EPS15: variants seen among roughly 807,000 people sequenced by gnomAD.
EPS15 encodes the protein epidermal growth factor receptor pathway substrate 15, also known as epidermal growth factor receptor substrate 15.
EPS15 carries 72 observed loss-of-function variants against 113.8 expected under a neutral mutation model. The observed-to-expected ratio is 0.63, with a 90% CI of 0.52 to 0.77. EPS15 has a LOEUF of 0.77. Among genes scored for constraint, EPS15 ranks in the 30% least tolerant of loss-of-function variants. The probability of loss-of-function intolerance (pLI) is 0.00; values close to 1 mark genes in which losing one functional copy is unlikely to be tolerated. For missense variants in EPS15, 1,048 were observed against 1,045.8 expected (o/e 1.00, Z -0.03); for synonymous variants, 344 against 363.4 (o/e 0.95, Z 0.61).
rs925974504 is a variant in EPS15 at position 51,355,041 on chromosome 1, C to T, written c.*1659G>A. On this transcript the variant is annotated 3_prime_UTR_variant, in exon 25 of 25. Coordinates refer to ENST00000371733, the MANE Select transcript of EPS15 (RefSeq NM_001981.3). ...CAGAAAATCCTTAGGTCACTGGATTCGTTTATCAAAATTAAGCCTTGTGAT... is the reference window on the plus strand; with the variant it reads ...CAGAAAATCCTTAGGTCACTGGATTTGTTTATCAAAATTAAGCCTTGTGAT... 3 of 222,396 alleles carry T rather than the reference C, an allele frequency of 1.3e-5. No homozygotes were observed. The highest frequency in any genetic ancestry group is 2.2e-5 in the African/African-American group (1 of 44,712). 13.8% of individuals were successfully genotyped at this position (222,396 alleles called of 1,614,324 possible). A position where few individuals can be genotyped will look rare whatever the true frequency, so the allele number is the denominator to read the frequency against.
intron 21 of EPS15, among the ~76,000 whole-genome samples, chr1:51,393,633 A>G (rs1055667667): frequency 6.6e-6 from 1 of 152,234 alleles, no homozygotes; most frequent in Non-Finnish European, 1.5e-5. Context: ...TTTCAGCATA[A>G]TATTAGAGTA....
chr1:51,422,880 T>G (rs1426454823), intron 12 of EPS15, among the ~76,000 whole-genome samples: 1 of 152,228 alleles, frequency 6.6e-6, no homozygotes, highest in Non-Finnish European at 1.5e-5. Flanking sequence ...TCCTCCAGAT[T>G]AGTATAGCCA....
Position 51,363,920 on chromosome 1 carries a change from G to C in EPS15, c.2305C>G (p.Pro769Ala). ...GTTCCGATCTTTGGTGGCAGTGCTG[G>C]GGGTTCATCTTCACTTTTGACCGAT... ...ETSVKSEDEP[P>A]ALPPKIGTPT... is the part of the protein sequence containing the mutation. The change falls in exon 23 of 25, where the codon CCA (proline) becomes GCA (alanine). Residue 769 changes from proline to alanine, a missense_variant. Transcript: ENST00000371733. The C allele has an allele frequency of 6.2e-7, 1 of 1,613,898 alleles. No individual in the cohort carries two copies. The highest frequency in any genetic ancestry group is 1.1e-5 in the South Asian group (1 of 91,034).
At chr1:51,423,342 A>T in intron 12 of EPS15, 1 of 1,177,996 alleles carries the variant, frequency 8.5e-7, no homozygotes, top group South Asian at 1.6e-5. Context: ...CCCCACCTCC[A>T]ACCCTTATAT....
chr1:51,372,207 T>C (rs1646673414), intron 21 of EPS15: 2 of 439,854 alleles, frequency 4.5e-6, no homozygotes, highest in Non-Finnish European at 9.2e-6. Flanking sequence ...GAGTTGCTGC[T>C]ACTGCTGGAG....
In EPS15 at chr1:51,399,175, T is replaced by A. The variant is rs768107015; in HGVS notation, c.1919-10A>T. 6.2e-6 allele frequency: 10 copies of A among 1,611,560 alleles called. No individual in the cohort carries two copies. Among genetic ancestry groups the A allele is most frequent in the Admixed American group, 3.4e-5 (2 of 59,180 alleles). On this transcript the variant is annotated splice_polypyrimidine_tract_variant and intron_variant, in intron 19 of 24. Transcript: ENST00000371733. ...TCACCACCAAATGGATCTAAAAAAATAAGGCACGAATATAAGAGACAAAAA... is the reference window on the plus strand; with the variant it reads ...TCACCACCAAATGGATCTAAAAAAAAAAGGCACGAATATAAGAGACAAAAA...
intron 2 of EPS15, among the ~76,000 whole-genome samples, chr1:51,473,579 GAAACAAAC>G (rs1022191977): frequency 1.3e-5 from 2 of 151,224 alleles, no homozygotes; most frequent in Non-Finnish European, 2.9e-5. Context: ...CACAAGAACA[GAAACAAAC>G]AAACAAACAA....
intron 12 of EPS15, among the ~76,000 whole-genome samples, chr1:51,426,852 TACACACACAC>T (rs757848514): frequency 1.4e-5 from 2 of 144,830 alleles, no homozygotes; most frequent in African/African-American, 5.2e-5. Flanking sequence ...TATATATATA[TACACACACAC>T]ATATATATAT....
intron 20 of EPS15, among the ~76,000 whole-genome samples, chr1:51,396,056 T>A (rs1161753683): frequency 6.6e-6 from 1 of 152,256 alleles, no homozygotes; most frequent in South Asian, 2.1e-4. Context: ...GCAGAAAGAA[T>A]TAATACTAAT....
chr1:51,501,764 C>A (rs528017431), intron 1 of EPS15, among the ~76,000 whole-genome samples: 3 of 152,192 alleles, frequency 2.0e-5, no homozygotes, highest in South Asian at 4.2e-4. Context: ...CAGGTGAGAG[C>A]GGCTGCACCC....
chr1:51,488,490 A>AAAAAAC (rs1553135712), intron 1 of EPS15, among the ~76,000 whole-genome samples: 5 of 150,258 alleles, frequency 3.3e-5, no homozygotes, highest in African/African-American at 4.9e-5. Flanking sequence ...AAAAAAAAAA[A>AAAAAAC]AAAAAACTCA....
chr1:51,356,559 ATCCT>A lies in EPS15; in HGVS notation c.*137_*140del. ...AATCTGTAATGAAGAAAAAAAAAAA[ATCCT>A]AAAATTTTGTCACATTTACAGGAAT... On this transcript the variant is annotated 3_prime_UTR_variant, in exon 25 of 25. Coordinates refer to ENST00000371733, the MANE Select transcript of EPS15 (RefSeq NM_001981.3). 1.5e-6 allele frequency: 1 copy of A among 674,696 alleles called. No individual in the cohort carries two copies. The highest frequency in any genetic ancestry group is 2.8e-5 in the South Asian group (1 of 36,196). The allele number at this position is 674,696 out of a possible 1,614,324, so 41.8% of individuals were successfully genotyped here.
At chr1:51,485,189 A>T (rs1210974199) in intron 1 of EPS15, among the ~76,000 whole-genome samples, 1 of 152,186 alleles carries the variant, frequency 6.6e-6, no homozygotes, top group Non-Finnish European at 1.5e-5. Flanking sequence ...AACATTTATA[A>T]ATGTTTTCAT....
intron 12 of EPS15, chr1:51,423,072 A>T: frequency 4.4e-6 from 2 of 454,890 alleles, no homozygotes; most frequent in Non-Finnish European, 3.4e-6. Flanking sequence ...GTGAGATTTT[A>T]AATGTAGACA....
chr1:51,512,809 T>TGCTACAG (rs1347185582), intron 1 of EPS15, among the ~76,000 whole-genome samples: 1 of 151,636 alleles, frequency 6.6e-6, no homozygotes, highest in Non-Finnish European at 1.5e-5. Context: ...ACATGTGTGC[T>TGCTACAG]GCTACAGTGT....
intron 16 of EPS15, among the ~76,000 whole-genome samples, chr1:51,403,947 T>C (rs917318616): frequency 5.9e-5 from 9 of 152,192 alleles, no homozygotes; most frequent in Admixed American, 3.3e-4. Flanking sequence ...GTAGCCAAAC[T>C]AATAGCTCTA....
intron 13 of EPS15, among the ~76,000 whole-genome samples, chr1:51,414,548 T>C (rs1387306494): frequency 6.6e-6 from 1 of 152,210 alleles, no homozygotes; most frequent in Non-Finnish European, 1.5e-5. Flanking sequence ...GAAAAAAGTT[T>C]TTTCTCTTTC....
At chr1:51,386,654 G>A (rs1028729109) in intron 21 of EPS15, among the ~76,000 whole-genome samples, 3 of 152,164 alleles carry the variant, frequency 2.0e-5, no homozygotes, top group South Asian at 2.1e-4. Flanking sequence ...ACCAAAAGTC[G>A]AGAACTACGT....
intron 8 of EPS15, chr1:51,458,598 G>C (rs761661902): frequency 4.6e-6 from 2 of 435,940 alleles, no homozygotes; most frequent in South Asian, 3.2e-5. Context: ...TTAGCCGGGG[G>C]TGGTGGTGCA....
Sources: allele counts gnomAD v4.1 joint callset (sites outside exome capture counted in the v4.1 genomes callset), GRCh38; gene constraint gnomAD v4.1.1; transcripts MANE v1.5; gene names NCBI Gene and HGNC (gene_info 2026-07-23, HGNC 2026-07-21).